Variants in MIDEAS observed in about 807,000 individuals in gnomAD.
The protein encoded by MIDEAS is mitotic deacetylase-associated SANT domain protein.
A neutral mutation model predicts 102.7 loss-of-function variants in MIDEAS; 26 were observed. The observed-to-expected ratio is 0.25, with a 90% CI of 0.19 to 0.35. The LOEUF (loss-of-function observed/expected upper bound fraction) is 0.35, where lower values mean the gene tolerates loss of function less well. Ranked by LOEUF, MIDEAS falls within the 10% of genes least tolerant of loss-of-function variation. The pLI, the probability that MIDEAS is intolerant of heterozygous loss-of-function variation, is 1.00. For missense variants in MIDEAS, 1,231 were observed against 1,435.6 expected (o/e 0.86, Z 2.30); for synonymous variants, 585 against 591.0 (o/e 0.99, Z 0.15).
intron 1 of MIDEAS, among the ~76,000 whole-genome samples, chr14:73,768,819 C>G (rs944335861): frequency 7.2e-5 from 11 of 151,996 alleles, no homozygotes; most frequent in Non-Finnish European, 1.3e-4. Flanking sequence ...AGAAAACAAA[C>G]TAAAAATCAG....
At chr14:73,779,476 G>A (rs1671940327) in intron 1 of MIDEAS, among the ~76,000 whole-genome samples, 2 of 150,548 alleles carry the variant, frequency 1.3e-5, no homozygotes, top group African/African-American at 4.9e-5. Flanking sequence ...GAGCCAGTGT[G>A]TCTGTTGCCT....
At chr14:73,778,556 C>T (rs554190931) in intron 1 of MIDEAS, among the ~76,000 whole-genome samples, 2 of 152,012 alleles carry the variant, frequency 1.3e-5, no homozygotes, top group South Asian at 4.2e-4. Context: ...CACCGAGTGG[C>T]TATTGGCTTC....
In MIDEAS at chr14:73,759,699, T is replaced by G. The variant is rs1257422363; in HGVS notation, c.-248+64A>C. ...GAGCAGCCACAGCTCGCGCGCCGCCTGGGGTCCCCTCGCCGGCCCCGCCGC... is the reference window on the plus strand; with the variant it reads ...GAGCAGCCACAGCTCGCGCGCCGCCGGGGGTCCCCTCGCCGGCCCCGCCGC... On this transcript the variant is annotated intron_variant, in intron 1 of 12. Coordinates refer to ENST00000423556, the MANE Select transcript of MIDEAS (RefSeq NM_001367710.1). This position sits in a 1 kb window ranked among gnomAD's most constrained non-coding sequence, Gnocchi z 6.7. 1 of 150,684 alleles carries G rather than the reference T, an allele frequency of 6.6e-6. No individual in the cohort carries two copies. The highest frequency in any genetic ancestry group is 1.5e-5 in the Non-Finnish European group (1 of 67,650). The allele number at this position is 150,684 out of a possible 1,614,324, so 9.3% of individuals were successfully genotyped here.
Position 73,738,849 on chromosome 14 carries a change from G to A in MIDEAS, c.1160C>T (p.Pro387Leu). 6.4e-7 allele frequency: 1 copy of A among 1,572,664 alleles called. No individual in the cohort carries two copies. The highest frequency in any genetic ancestry group is 8.6e-7 in the Non-Finnish European group (1 of 1,159,290). ...LHHWPLQQPP[P>L]GSLGQPHPEA... Reference sequence around the variant, plus strand: ...AGGATGGGGCTGCCCCAGGGAGCCAGGTGGCGGCTGCTGCAGGGGCCAGTG... The same window carrying A: ...AGGATGGGGCTGCCCCAGGGAGCCAAGTGGCGGCTGCTGCAGGGGCCAGTG... The change falls in exon 2 of 13, where the codon CCT becomes CTT. Residue 387 changes from proline (P) to leucine (L), a missense_variant. By Grantham distance (98) the Pro-to-Leu change is moderately conservative. Around this residue, in one of 5 missense-constraint regions of MIDEAS, gnomAD observed 758 missense variants for 856.0 expected, o/e 0.89. Coordinates refer to ENST00000423556, the MANE Select transcript of MIDEAS (RefSeq NM_001367710.1).
chr14:73,715,631 A>C lies in MIDEAS; in HGVS notation c.*3212T>G, dbSNP rs1276788513. The C allele has an allele frequency of 1.3e-5, 2 of 152,506 alleles. No homozygotes were observed. The highest frequency in any genetic ancestry group is 2.9e-5 in the Non-Finnish European group (2 of 68,040). 9.4% of individuals were successfully genotyped at this position (152,506 alleles called of 1,614,324 possible). ...TTATAAAAATATCCCTACTTCCTGT[A>C]AACCTATGGAGTTAGGCTTGCCAGT... On this transcript the variant is annotated 3_prime_UTR_variant, in exon 13 of 13. Coordinates refer to ENST00000423556, the MANE Select transcript of MIDEAS (RefSeq NM_001367710.1).
intron 1 of MIDEAS, among the ~76,000 whole-genome samples, chr14:73,741,048 G>C (rs1258135610): frequency 6.6e-6 from 1 of 152,232 alleles, no homozygotes; most frequent in African/African-American, 2.4e-5. Context: ...TGGCAGGGTG[G>C]AGGCAGGATC....
rs1019947625 is a variant in MIDEAS, at chr14:73,742,656, G to C, written c.-247-2401C>G. Among the ~76,000 whole-genome samples, 2 of 152,192 alleles carry C rather than the reference G, an allele frequency of 1.3e-5. No individual in the cohort carries two copies. Among genetic ancestry groups the C allele is most frequent in the African/African-American group, 4.8e-5 (2 of 41,454 alleles). On this transcript the variant is annotated intron_variant, in intron 1 of 12. Transcript: ENST00000423556. This position sits in a 1 kb window ranked among gnomAD's most constrained non-coding sequence, Gnocchi z 4.4. ...AGGGACTTGCTTTGAAGAAATCAGG[G>C]GGCCTGGTTTGGGGAAGGCTGAATC...
chr14:73,749,370 C>CT (rs1225507387), intron 1 of MIDEAS, among the ~76,000 whole-genome samples: 5 of 80,678 alleles, frequency 6.2e-5, no homozygotes, highest in Non-Finnish European at 1.3e-4. Context: ...CGTGTCTCTA[C>CT]AAAAAAAAAA....
chr14:73,783,418 C>T (rs1243194234), intron 1 of MIDEAS, among the ~76,000 whole-genome samples: 1 of 152,120 alleles, frequency 6.6e-6, no homozygotes, highest in Non-Finnish European at 1.5e-5. Context: ...GACAAACACA[C>T]AGAGTGGGTC....
At chr14:73,724,043 C>T (rs2053029929) in intron 9 of MIDEAS, 2 of 152,222 alleles carry the variant, frequency 1.3e-5, no homozygotes, top group Admixed American at 1.3e-4. Context: ...GCAAGTCACT[C>T]ACTTTTCTAA....
chr14:73,785,867 A>C (rs1439420995), intron 1 of MIDEAS, among the ~76,000 whole-genome samples: 1 of 152,186 alleles, frequency 6.6e-6, no homozygotes, highest in African/African-American at 2.4e-5. Flanking sequence ...GGAGGTAATG[A>C]AATAAATCAC....
intron 1 of MIDEAS, chr14:73,787,098 T>A (rs943717321): frequency 6.7e-6 from 1 of 149,716 alleles, no homozygotes; most frequent in African/African-American, 2.4e-5. Context: ...AGCCCGCGGC[T>A]TACCTGCGTG....
chr14:73,749,639 G>A (rs887507), intron 1 of MIDEAS, among the ~76,000 whole-genome samples: 33,748 of 149,896 alleles, frequency 0.23, 5,088 homozygotes, highest in Non-Finnish European at 0.34. Flanking sequence ...CTCTACAATA[G>A]ATCATCATTA....
rs78114932 is a variant in MIDEAS, at chr14:73,736,656, T to G, written c.1749+342A>C. ...AGAAAAAAAAAAAAAGATGTCAAGA[T>G]CTCAGTAGTGACAGTACAAGCAAAC... On this transcript the variant is annotated intron_variant, in intron 3 of 12. Coordinates refer to ENST00000423556, the MANE Select transcript of MIDEAS (RefSeq NM_001367710.1). Among the ~76,000 whole-genome samples, 883 of 147,666 alleles carry G rather than the reference T, an allele frequency of 6.0e-3. 6 individuals carry two copies. Among genetic ancestry groups the G allele is most frequent in the African/African-American group, 0.021 (837 of 40,204 alleles).
At chr14:73,738,363 T>C (rs1422200602) in intron 2 of MIDEAS, among the ~76,000 whole-genome samples, 197 bp downstream of exon 2, 1 of 152,210 alleles carries the variant, frequency 6.6e-6, no homozygotes, top group Non-Finnish European at 1.5e-5. Flanking sequence ...TATCTAATTA[T>C]TCAAAAAATA....
Position 73,718,764 on chromosome 14 carries a change from G to A in MIDEAS, c.*79C>T. 2 of 1,306,428 alleles carry A rather than the reference G, an allele frequency of 1.5e-6. No homozygotes were observed. The highest frequency in any genetic ancestry group is 2.0e-5 in the South Asian group (1 of 50,930). 80.9% of individuals were successfully genotyped at this position (1,306,428 alleles called of 1,614,324 possible). On this transcript the variant is annotated 3_prime_UTR_variant, in exon 13 of 13. Coordinates refer to ENST00000423556, the MANE Select transcript of MIDEAS (RefSeq NM_001367710.1). ...CAATCCTCTCCTCACTCCCTCTTGAGATGCCAGGGTGTCTGCGGGCGCTGG... is the reference window on the plus strand; with the variant it reads ...CAATCCTCTCCTCACTCCCTCTTGAAATGCCAGGGTGTCTGCGGGCGCTGG...
rs200910157 is a variant in MIDEAS, at chr14:73,783,455, G to A, written c.-248+3647C>T. Among the ~76,000 whole-genome samples, 24 of 152,312 alleles carry A rather than the reference G, an allele frequency of 1.6e-4. No individual in the cohort carries two copies. In the East Asian group the frequency reaches 4.4e-3, roughly 28 times the overall value. ...CCGGGTCAGAGCCGAGGGTTAGGAC[G>A]GGAGAGGAGCAAAGGTCAGACCCCT... On this transcript the variant is annotated intron_variant, in intron 1 of 11. Transcript: ENST00000394071.
At chr14:73,782,873 G>A (rs1745824787) in intron 1 of MIDEAS, among the ~76,000 whole-genome samples, 1 of 152,240 alleles carries the variant, frequency 6.6e-6, no homozygotes, top group South Asian at 2.1e-4. Flanking sequence ...GGAGGAGCCT[G>A]AGGGCAGCTA....
intron 1 of MIDEAS, among the ~76,000 whole-genome samples, chr14:73,779,386 T>C: frequency 9.2e-6 from 1 of 109,024 alleles, no homozygotes; most frequent in East Asian, 3.3e-4. Flanking sequence ...CAGAGCACGA[T>C]TCCATCTCAA....
Sources: allele counts gnomAD v4.1 joint callset (sites outside exome capture counted in the v4.1 genomes callset), GRCh38; gene constraint gnomAD v4.1.1; regional missense constraint gnomAD v4.1.1; non-coding constraint Gnocchi (gnomAD v3.1); transcripts MANE v1.5; gene names NCBI Gene and HGNC (gene_info 2026-07-23, HGNC 2026-07-21).